The following CECR2 variants were observed in gnomAD, a reference collection of about 807,000 sequenced individuals.
The protein encoded by CECR2 is CECR2 histone acetyl-lysine reader.
Under a neutral mutation model 154.5 loss-of-function variants are expected in CECR2, and 30 were observed. That is an observed-to-expected ratio of 0.19 (90% CI 0.15 to 0.26). The LOEUF is 0.26. Ranked by LOEUF, CECR2 falls within the 10% of genes least tolerant of loss-of-function variation. The probability of loss-of-function intolerance (pLI) is 1.00; values close to 1 mark genes in which losing one functional copy is unlikely to be tolerated. For missense variants in CECR2, 1,743 were observed against 1,829.3 expected, an observed-to-expected ratio of 0.95 and a Z score of 0.86; for synonymous variants, 725 against 683.7, an observed-to-expected ratio of 1.06 and a Z score of -0.94.
At chr22:17,395,192 A>G (rs2053789261) in intron 1 of CECR2, among the ~76,000 whole-genome samples, 1 of 152,090 alleles carries the variant, frequency 6.6e-6, no homozygotes, top group African/African-American at 2.4e-5. Context: ...TTTGCTATCC[A>G]TAGAATCTCT....
rs550966238 is a variant in CECR2 at position 17,550,254 on chromosome 22, TCTC to T, written c.4277+693_4277+695del. On this transcript the variant is annotated intron_variant, in intron 17 of 18. Transcript: ENST00000262608. ...TCTCTGCCTCCCAGGTTCAAGCGAT[TCTC>T]CTGCCTCATCCTCCCAAGTAGCTGG... 799 of 165,866 alleles carry T rather than the reference TCTC, an allele frequency of 4.8e-3. 6 individuals are homozygous for T. The highest frequency in any genetic ancestry group is 5.9e-3 in the Non-Finnish European group (443 of 75,642). 10.3% of individuals were successfully genotyped at this position (165,866 alleles called of 1,614,324 possible).
At chr22:17,526,397 C>A (rs566187719) in intron 9 of CECR2, among the ~76,000 whole-genome samples, 47 of 152,160 alleles carry the variant, frequency 3.1e-4, no homozygotes, top group Non-Finnish European at 6.0e-4. Context: ...AGAACATACA[C>A]TGGGGAAAAG....
chr22:17,421,860 A>AT (rs2054258540), intron 1 of CECR2, among the ~76,000 whole-genome samples: 1 of 143,782 alleles, frequency 7.0e-6, no homozygotes, highest in East Asian at 2.7e-4. Flanking sequence ...TAAAAAAAAA[A>AT]ACAAAAAAAA....
chr22:17,530,295 C>T (rs912687628), intron 9 of CECR2, among the ~76,000 whole-genome samples: 7 of 151,470 alleles, frequency 4.6e-5, no homozygotes, highest in East Asian at 1.9e-4. Flanking sequence ...GTGCCGCGCC[C>T]GGCACATGAC....
At chr22:17,361,354 C>T (rs1601222805) in intron 1 of CECR2, among the ~76,000 whole-genome samples, 2 of 151,880 alleles carry the variant, frequency 1.3e-5, no homozygotes, top group East Asian at 1.9e-4. Flanking sequence ...GGGCTGGTGG[C>T]GGACACCTGT....
rs202099857 is a variant in CECR2, at chr22:17,502,442, T to TA, written c.651-634dup. 6.9e-4 allele frequency among the ~76,000 whole-genome samples: 105 copies of TA among 152,256 alleles called. 2 individuals are homozygous for TA. The East Asian group carries it at 0.019, about 27-fold the overall frequency. On this transcript the variant is annotated intron_variant, in intron 5 of 18. Coordinates refer to ENST00000262608, the MANE Select transcript of CECR2 (RefSeq NM_001290047.2). ...ATCTCTCTCTTGACTGGAGCAGTGA[T>TA]AAAAAACAAGAACAAACAAACAAAA...
chr22:17,370,199 C>G (rs2063038547), intron 1 of CECR2, among the ~76,000 whole-genome samples: 1 of 150,666 alleles, frequency 6.6e-6, no homozygotes, highest in Admixed American at 6.6e-5. Context: ...GGGAGCGGGA[C>G]CCGGCGACCC....
At position 17,538,899 on chromosome 22, in the gene CECR2, T is replaced by C; in HGVS notation, c.1369-94T>C. 2.7e-6 allele frequency: 4 copies of C among 1,455,776 alleles called. No individual in the cohort carries two copies. In the South Asian group the frequency reaches 3.9e-5, roughly 14 times the overall value. The allele number at this position is 1,455,776 out of a possible 1,614,324, so 90.2% of individuals were successfully genotyped here. ...ATCTGTTATTCATTACAGATCAGCA[T>C]TGCTGAATTCTCATTATCTCTCTGT... On this transcript the variant is annotated intron_variant, in intron 12 of 18. Coordinates refer to ENST00000262608, the MANE Select transcript of CECR2 (RefSeq NM_001290047.2).
rs1447150805 is a variant in CECR2, at chr22:17,409,511, A to G, written c.126+39602A>G. 2.7e-5 allele frequency among the ~76,000 whole-genome samples: 3 copies of G among 112,360 alleles called. 1 individual carries two copies. The highest frequency in any genetic ancestry group is 4.2e-5 in the Non-Finnish European group (2 of 47,090). 73.7% of individuals were successfully genotyped at this position (112,360 alleles called of 152,430 possible). On this transcript the variant is annotated intron_variant, in intron 1 of 18. Coordinates refer to ENST00000262608, the MANE Select transcript of CECR2 (RefSeq NM_001290047.2). Reference sequence around the variant, plus strand: ...CTCCCAAAGTGCTGGGATTACAGGCATGAGCCACTGTGCCTGGCCTAATTT... The same window carrying G: ...CTCCCAAAGTGCTGGGATTACAGGCGTGAGCCACTGTGCCTGGCCTAATTT...
chr22:17,368,367 C>G (rs999731006), upstream of CECR2, among the ~76,000 whole-genome samples: 2 of 152,142 alleles, frequency 1.3e-5, no homozygotes, highest in Non-Finnish European at 2.9e-5. Flanking sequence ...GCAGTGTTTC[C>G]TATCTGAAAG....
intron 1 of CECR2, among the ~76,000 whole-genome samples, chr22:17,433,113 G>A (rs2054452276): frequency 6.6e-6 from 1 of 152,096 alleles, no homozygotes; most frequent in Non-Finnish European, 1.5e-5. Flanking sequence ...TTATATCGTT[G>A]GCAAACTGGA....
chr22:17,375,912 G>A (rs766786818), intron 1 of CECR2, among the ~76,000 whole-genome samples: 8 of 151,134 alleles, frequency 5.3e-5, no homozygotes, highest in Non-Finnish European at 1.2e-4. Context: ...CTGAGATCGC[G>A]CCATTGCACT....
chr22:17,456,956 T>G (rs1026060459), intron 1 of CECR2, among the ~76,000 whole-genome samples: 2 of 152,248 alleles, frequency 1.3e-5, no homozygotes, highest in Admixed American at 1.3e-4. Context: ...AGTACATGTT[T>G]ATGTCTCTAA....
chr22:17,457,121 G>A (rs1043587210), intron 1 of CECR2, among the ~76,000 whole-genome samples: 2 of 152,216 alleles, frequency 1.3e-5, no homozygotes, highest in Non-Finnish European at 2.9e-5. Context: ...CCGCCCCCGC[G>A]GGTTCAAGCG....
At chr22:17,517,728 A>G (rs1400742637) in intron 8 of CECR2, among the ~76,000 whole-genome samples, 1 of 152,220 alleles carries the variant, frequency 6.6e-6, no homozygotes, top group Non-Finnish European at 1.5e-5. Flanking sequence ...CTCAGTTACA[A>G]GGCTTGGCCT....
intron 1 of CECR2, among the ~76,000 whole-genome samples, chr22:17,403,452 T>C (rs569497988): frequency 5.3e-5 from 8 of 152,338 alleles, no homozygotes; most frequent in Middle Eastern, 3.4e-3. Flanking sequence ...ATTGGAGTTA[T>C]GTTTTAACTT....
chr22:17,476,772 A>G (rs2055214460), intron 1 of CECR2, among the ~76,000 whole-genome samples: 1 of 152,146 alleles, frequency 6.6e-6, no homozygotes, highest in African/African-American at 2.4e-5. Flanking sequence ...ATGTGGGCAA[A>G]CTTTTCTAGT....
chr22:17,436,321 T>C (rs896212899), intron 1 of CECR2, among the ~76,000 whole-genome samples: 10 of 152,216 alleles, frequency 6.6e-5, no homozygotes, highest in Admixed American at 3.3e-4. Flanking sequence ...CCAAGCTTAA[T>C]TCAACATTTA....
intron 1 of CECR2, among the ~76,000 whole-genome samples, chr22:17,395,318 G>A (rs1038397181): frequency 1.3e-5 from 2 of 151,678 alleles, no homozygotes; most frequent in Non-Finnish European, 2.9e-5. Flanking sequence ...GTGAGCCTCC[G>A]CACCCGGCTC....
Sources: allele counts gnomAD v4.1 joint callset (sites outside exome capture counted in the v4.1 genomes callset), GRCh38; gene constraint gnomAD v4.1.1; transcripts MANE v1.5; gene names NCBI Gene and HGNC (gene_info 2026-07-23, HGNC 2026-07-21).